GSAP: variants seen among roughly 807,000 people sequenced by gnomAD.
GSAP encodes the protein gamma-secretase activating protein.
Under a neutral mutation model 131.7 loss-of-function variants are expected in GSAP, and 118 were observed. That is an observed-to-expected ratio of 0.90 (90% confidence interval 0.77 to 1.04). The LOEUF is 1.04. Among genes scored for constraint, GSAP ranks in the 50% least tolerant of loss-of-function variants. The pLI, the probability that GSAP is intolerant of heterozygous loss-of-function variation, is 0.00. For missense variants in GSAP, 1,019 were observed against 1,013.2 expected (o/e 1.01, Z -0.08); for synonymous variants, 381 against 363.4 (o/e 1.05, Z -0.55).
intron 16 of GSAP, among the ~76,000 whole-genome samples, chr7:77,354,046 C>T (rs1241893801): frequency 2.0e-5 from 3 of 152,162 alleles, no homozygotes; most frequent in Non-Finnish European, 2.9e-5. Context: ...GGTGTGAATA[C>T]GGACACACCA....
intron 19 of GSAP, among the ~76,000 whole-genome samples, chr7:77,342,585 A>G (rs561614139): frequency 1.6e-4 from 24 of 151,970 alleles, no homozygotes; most frequent in African/African-American, 5.8e-4. Context: ...ACCTTAATCC[A>G]CAAGTATAGG....
At chr7:77,402,489 G>A (rs1383687892) in intron 3 of GSAP, among the ~76,000 whole-genome samples, 2 of 148,112 alleles carry the variant, frequency 1.4e-5, no homozygotes, top group African/African-American at 2.5e-5. Flanking sequence ...CAGCTACTTG[G>A]GACGCTGAGG....
intron 1 of GSAP, among the ~76,000 whole-genome samples, chr7:77,413,383 A>G (rs1479064023): frequency 6.6e-6 from 1 of 152,232 alleles, no homozygotes; most frequent in Non-Finnish European, 1.5e-5. Context: ...TTGGCAGGCA[A>G]TCCCTGAAGG....
At chr7:77,381,384 T>A in intron 7 of GSAP, 30 bp from the exon 8 acceptor site, 1 of 1,249,524 alleles carries the variant, frequency 8.0e-7, no homozygotes, top group Non-Finnish European at 1.1e-6. Context: ...AAAGATAATT[T>A]AACCTTAAGG....
chr7:77,355,448 A>C lies in GSAP; in HGVS notation c.1121-18T>G, dbSNP rs1469491333. ...ATTATTTCCTGGCAAAAAAAAAAAA[A>C]ACAGTAGATCAGCAAATAGAAGAAA... On this transcript the variant is annotated intron_variant, in intron 15 of 30. Transcript: ENST00000257626. The C allele has an allele frequency of 4.0e-6, 6 of 1,518,908 alleles. No individual in the cohort carries two copies. The Admixed American group carries it at 5.5e-5, about 14-fold the overall frequency. The allele number at this position is 1,518,908 out of a possible 1,614,324, so 94.1% of individuals were successfully genotyped here.
At chr7:77,320,318 G>A (rs769932246) in intron 26 of GSAP, among the ~76,000 whole-genome samples, 1 of 152,102 alleles carries the variant, frequency 6.6e-6, no homozygotes. Flanking sequence ...AAAATTCCAA[G>A]GGAATTTTTT....
At chr7:77,363,412 T>C (rs1397426448) in intron 12 of GSAP, among the ~76,000 whole-genome samples, 6 of 152,214 alleles carry the variant, frequency 3.9e-5, no homozygotes, top group Non-Finnish European at 5.9e-5. Flanking sequence ...ATGTCTATCA[T>C]TTATGTGATT....
intron 3 of GSAP, among the ~76,000 whole-genome samples, chr7:77,398,891 G>A (rs1800864102): frequency 6.6e-6 from 1 of 152,208 alleles, no homozygotes; most frequent in East Asian, 1.9e-4. Flanking sequence ...CAGTTACATT[G>A]CAAGTTTTTT....
At chr7:77,398,417 T>C (rs912978278) in intron 3 of GSAP, among the ~76,000 whole-genome samples, 1 of 152,182 alleles carries the variant, frequency 6.6e-6, no homozygotes, top group African/African-American at 2.4e-5. Context: ...GGATTCTAAA[T>C]TATTACTAAG....
At chr7:77,323,286 C>G (rs1175734388) in intron 24 of GSAP, among the ~76,000 whole-genome samples, 1 of 152,200 alleles carries the variant, frequency 6.6e-6, no homozygotes, top group African/African-American at 2.4e-5. Flanking sequence ...ATTTGAAGTT[C>G]AAGTTCTCTC....
chr7:77,316,052 G>A (rs1794935598), intron 26 of GSAP: 1 of 152,212 alleles, frequency 6.6e-6, no homozygotes, highest in African/African-American at 2.4e-5. Flanking sequence ...GAGACTTTGA[G>A]GAGGTAATGA....
chr7:77,382,577 T>A lies in GSAP; in HGVS notation c.523A>T (p.Lys175Ter). 6.6e-7 allele frequency: 1 copy of A among 1,506,758 alleles called. No individual in the cohort carries two copies. Among genetic ancestry groups the A allele is most frequent in the Non-Finnish European group, 9.2e-7 (1 of 1,082,474 alleles). The allele number at this position is 1,506,758 out of a possible 1,614,324, so 93.3% of individuals were successfully genotyped here. A position where few individuals can be genotyped will look rare whatever the true frequency, so the allele number is the denominator to read the frequency against. ...ENHLLLISEE[K>*]YIEQFRIHVA... ...TTCCACCTAAAGATACACTTACATT[T>A]CTCTTCTGAAATCAGTAACAGATGG... The change falls in exon 7 of 31, where the codon AAA becomes TAA. Residue 175 changes from lysine to a stop codon, truncating the protein, a stop_gained. Transcript: ENST00000257626. LOFTEE classifies it high-confidence loss of function.
chr7:77,367,564 T>G (rs1306981002), intron 12 of GSAP, among the ~76,000 whole-genome samples: 1 of 152,190 alleles, frequency 6.6e-6, no homozygotes, highest in Non-Finnish European at 1.5e-5. Context: ...TACTTGACTG[T>G]GGTAGATTAG....
intron 22 of GSAP, chr7:77,326,526 G>T (rs1584268505): frequency 2.7e-6 from 1 of 365,344 alleles, no homozygotes; most frequent in East Asian, 4.9e-5. Context: ...TTTGATTTTT[G>T]TTCAACACTA....
chr7:77,342,079 G>A (rs192876893), intron 19 of GSAP, among the ~76,000 whole-genome samples: 1,912 of 151,894 alleles, frequency 0.013, 37 homozygotes, highest in African/African-American at 0.044. Context: ...TGTCCAACTC[G>A]CCCAGCAGCC....
chr7:77,375,768 C>A (rs1305843808), intron 10 of GSAP, among the ~76,000 whole-genome samples: 5 of 151,398 alleles, frequency 3.3e-5, no homozygotes, highest in Non-Finnish European at 7.4e-5. Context: ...TGCTTGAATC[C>A]AGGAGGCAGA....
At chr7:77,387,549 G>A (rs1037862709) in intron 5 of GSAP, 101 bp from the exon 6 acceptor site, 1 of 694,062 alleles carries the variant, frequency 1.4e-6, no homozygotes, top group Non-Finnish European at 2.6e-6. Context: ...TCCTACTACA[G>A]TGACTATAAA....
chr7:77,369,166 T>C (rs1458012603), intron 12 of GSAP, among the ~76,000 whole-genome samples: 1 of 152,210 alleles, frequency 6.6e-6, no homozygotes, highest in Non-Finnish European at 1.5e-5. Flanking sequence ...CCCTACTCAC[T>C]ACCCTCCCAG....
At chr7:77,353,114 C>A in intron 17 of GSAP, 88 bp from the exon 18 acceptor site, 1 of 731,460 alleles carries the variant, frequency 1.4e-6, no homozygotes, top group Non-Finnish European at 2.4e-6. Context: ...AACACGCAAA[C>A]CAACAAAGTT....
Sources: allele counts gnomAD v4.1 joint callset (sites outside exome capture counted in the v4.1 genomes callset), GRCh38; gene constraint gnomAD v4.1.1; transcripts MANE v1.5; gene names NCBI Gene and HGNC (gene_info 2026-07-23, HGNC 2026-07-21).